Variants in ASNS observed in about 807,000 individuals in gnomAD.
The protein encoded by ASNS is asparagine synthetase [glutamine-hydrolyzing].
ASNS carries 37 observed loss-of-function variants against 62.6 expected under a neutral mutation model. The ratio of observed to expected loss-of-function variants is 0.59; its 90% CI spans 0.45 to 0.78. ASNS has a LOEUF of 0.78. Among genes scored for constraint, ASNS ranks in the 30% least tolerant of loss-of-function variants. The probability of loss-of-function intolerance (pLI) is 0.00; values close to 1 mark genes in which losing one functional copy is unlikely to be tolerated. For missense variants in ASNS, 520 were observed against 682.4 expected, an observed-to-expected ratio of 0.76 and a Z score of 2.65; for synonymous variants, 207 against 237.9, an observed-to-expected ratio of 0.87 and a Z score of 1.19.
intron 6 of ASNS, 43 bp from the exon 7 acceptor site, chr7:97,858,448 T>C: frequency 6.2e-7 from 1 of 1,611,562 alleles, no homozygotes; most frequent in Non-Finnish European, 8.5e-7. Context: ...GTTATGTGCC[T>C]TGCATAAGAC....
chr7:97,922,056 T>C, the ASNS span, among the ~76,000 whole-genome samples: 2 of 152,200 alleles, frequency 1.3e-5, no homozygotes, highest in African/African-American at 2.4e-5. Context: ...ATCTCACTTA[T>C]ATGTGAAATC....
At chr7:97,870,021 A>G (rs1792176932) in intron 1 of ASNS, 2 of 232,170 alleles carry the variant, frequency 8.6e-6, no homozygotes, top group South Asian at 3.6e-4. Context: ...AACATCCCTA[A>G]TAAAAAACTT....
At chr7:97,922,283 T>C in the ASNS span, among the ~76,000 whole-genome samples, 1 of 152,032 alleles carries the variant, frequency 6.6e-6, no homozygotes, top group Non-Finnish European at 1.5e-5. Flanking sequence ...GGAGGATTGA[T>C]TGAGCTTGGG....
rs146517491 is a variant in ASNS, at chr7:97,855,377, C to T, written c.1113G>A (p.Thr371=). 2.4e-5 allele frequency: 39 copies of T among 1,612,342 alleles called. No individual in the cohort carries two copies. Among genetic ancestry groups the T allele is most frequent in the Admixed American group, 1.8e-4 (11 of 59,964 alleles). The stretch of plus-strand genomic sequence containing the variant: ...CCTTGTGAAAATATATGTAACCCTG[C>T]GTAAGTTCATCTGATCCTTCTCCAG... ...IFSGEGSDEL[T]QGYIYFHKAP... The change falls in exon 9 of 13, where the codon ACG becomes ACA. Residue 371 remains threonine (T), a synonymous_variant. Transcript: ENST00000394308.
the ASNS span, among the ~76,000 whole-genome samples, chr7:97,901,902 C>G: frequency 2.0e-5 from 3 of 152,216 alleles, no homozygotes; most frequent in East Asian, 5.8e-4. Flanking sequence ...TGCTTGAACC[C>G]AGGAGGTGGA....
At chr7:97,858,831 TAG>T in intron 6 of ASNS, 21 bp downstream of exon 6, 1 of 1,563,964 alleles carries the variant, frequency 6.4e-7, no homozygotes, top group South Asian at 1.2e-5. Flanking sequence ...GAAATATAAT[TAG>T]GTTTTTTTAA....
chr7:97,875,861 A>ATTT (rs34906277), upstream of ASNS, among the ~76,000 whole-genome samples: 5 of 148,616 alleles, frequency 3.4e-5, no homozygotes, highest in Non-Finnish European at 3.0e-5. Context: ...TTATTAGGCA[A>ATTT]TTTTTTTTTT....
the ASNS span, among the ~76,000 whole-genome samples, chr7:97,911,319 G>A: frequency 4.7e-4 from 72 of 152,140 alleles, no homozygotes; most frequent in Non-Finnish European, 8.4e-4. Flanking sequence ...TATGTTTATC[G>A]AAAAGTTTTC....
the ASNS span, among the ~76,000 whole-genome samples, chr7:97,878,045 C>T: frequency 1.2e-4 from 18 of 152,246 alleles, 1 homozygote; most frequent in South Asian, 1.0e-3. Context: ...AGGTTGTGAG[C>T]GCCAGGTGAT....
the ASNS span, chr7:97,928,179 C>G: frequency 9.8e-6 from 15 of 1,530,402 alleles, no homozygotes; most frequent in African/African-American, 6.9e-5. Context: ...TGCGCTTCCC[C>G]CCTCCAGCAA....
chr7:97,896,737 C>CATATATATATATATAT, the ASNS span, among the ~76,000 whole-genome samples: 236 of 30,328 alleles, frequency 7.8e-3, no homozygotes, highest in Non-Finnish European at 0.011. Flanking sequence ...CACACACACA[C>CATATATATATATATAT]ACACATATAT....
the ASNS span, among the ~76,000 whole-genome samples, chr7:97,885,325 G>A: frequency 1.5e-4 from 22 of 151,286 alleles, no homozygotes; most frequent in East Asian, 9.8e-4. Flanking sequence ...TCACTTTGGC[G>A]CTATTATGAA....
chr7:97,859,238 A>G lies in ASNS; in HGVS notation c.648T>C (p.Tyr216=), dbSNP rs2115658826. The stretch of plus-strand genomic sequence containing the variant: ...CTGGAAAGAGTTTCTCCACATTGTC[A>G]TAGAGGGCGTGCAGGGGTACATCCC... ...HCRDVPLHAL[Y]DNVEKLFPGF... The change falls in exon 5 of 13, where the codon TAT becomes TAC. Residue 216 remains tyrosine (Y), a synonymous_variant. Coordinates refer to ENST00000394308, the MANE Select transcript of ASNS (RefSeq NM_001673.5). The G allele has an allele frequency of 1.9e-6, 3 of 1,613,604 alleles. No homozygotes were observed. The highest frequency in any genetic ancestry group is 2.5e-6 in the Non-Finnish European group (3 of 1,179,730).
At position 97,872,403 on chromosome 7, in the gene ASNS, C is replaced by G. The variant is rs1404929458; in HGVS notation, c.-112G>C. 1 of 151,496 alleles carries G rather than the reference C, an allele frequency of 6.6e-6. No homozygotes were observed. Among genetic ancestry groups the G allele is most frequent in the African/African-American group, 2.5e-5 (1 of 40,396 alleles). 9.4% of individuals were successfully genotyped at this position (151,496 alleles called of 1,614,324 possible). A position where few individuals can be genotyped will look rare whatever the true frequency, so the allele number is the denominator to read the frequency against. ...GGCGGGCTGAGGCCAGGGATGTGGACAGCTTGACGGGCGGCGAGGCCGCTG... is the reference window on the plus strand; with the variant it reads ...GGCGGGCTGAGGCCAGGGATGTGGAGAGCTTGACGGGCGGCGAGGCCGCTG... On this transcript the variant is annotated 5_prime_UTR_variant, in exon 1 of 13. Transcript: ENST00000394308.
intron 8 of ASNS, among the ~76,000 whole-genome samples, chr7:97,855,989 T>C (rs2115622205): frequency 6.6e-6 from 1 of 152,330 alleles, no homozygotes; most frequent in East Asian, 1.9e-4. Flanking sequence ...GTTTTTATTA[T>C]CACCTCAGCT....
the ASNS span, among the ~76,000 whole-genome samples, chr7:97,887,410 G>A: frequency 3.3e-5 from 5 of 152,188 alleles, no homozygotes; most frequent in African/African-American, 4.8e-5. Flanking sequence ...TGTCCTCCCT[G>A]TATCCAAGAC....
the ASNS span, among the ~76,000 whole-genome samples, chr7:97,888,252 G>A: frequency 1.3e-5 from 2 of 151,920 alleles, no homozygotes; most frequent in Admixed American, 6.5e-5. Context: ...AGGATTATAG[G>A]CATGAGCCAC....
chr7:97,862,834 C>A (rs1460243461), intron 4 of ASNS, among the ~76,000 whole-genome samples: 5 of 151,268 alleles, frequency 3.3e-5, no homozygotes, highest in African/African-American at 1.2e-4. Flanking sequence ...AAAAAAATGG[C>A]AAAGGATCTG....
chr7:97,853,928 T>C (rs1253270759), intron 10 of ASNS, among the ~76,000 whole-genome samples: 1 of 152,178 alleles, frequency 6.6e-6, no homozygotes, highest in Non-Finnish European at 1.5e-5. Context: ...AATGACCAGA[T>C]TCAGTTCATT....
Sources: allele counts gnomAD v4.1 joint callset (sites outside exome capture counted in the v4.1 genomes callset), GRCh38; gene constraint gnomAD v4.1.1; transcripts MANE v1.5; gene names NCBI Gene and HGNC (gene_info 2026-07-23, HGNC 2026-07-21).